GALNTL6: variants seen among roughly 807,000 people sequenced by gnomAD.
The protein encoded by GALNTL6 is polypeptide N-acetylgalactosaminyltransferase-like 6.
GALNTL6 carries 46 observed loss-of-function variants against 73.7 expected under a neutral mutation model. The observed-to-expected ratio is 0.62, with a 90% CI of 0.49 to 0.80. GALNTL6 has a LOEUF of 0.80. GALNTL6 is among the 30% of genes least tolerant of loss of function. GALNTL6 has a pLI of 0.00. For missense variants in GALNTL6, 604 were observed against 755.0 expected (o/e 0.80, Z 2.34); for synonymous variants, 259 against 263.7 (o/e 0.98, Z 0.17).
intron 5 of GALNTL6, among the ~76,000 whole-genome samples, chr4:172,555,319 A>G (rs1408429734): frequency 6.6e-6 from 1 of 152,158 alleles, no homozygotes; most frequent in Admixed American, 6.5e-5. Flanking sequence ...GAATATTGCT[A>G]TTTGAGAACA....
At chr4:172,254,036 A>G (rs1200064453) in intron 3 of GALNTL6, among the ~76,000 whole-genome samples, 2 of 151,822 alleles carry the variant, frequency 1.3e-5, no homozygotes, top group African/African-American at 4.8e-5. Flanking sequence ...TCACCCAAAG[A>G]AGGTCAGCAA....
rs1605091 is a variant in GALNTL6, at chr4:171,948,964, C to T, written c.138+134246C>T. 2.3e-3 allele frequency among the ~76,000 whole-genome samples: 283 copies of T among 123,428 alleles called. 2 individuals are homozygous for T. The highest frequency in any genetic ancestry group is 0.013 in the Admixed American group (180 of 13,988). 81.0% of individuals were successfully genotyped at this position (123,428 alleles called of 152,430 possible). A position where few individuals can be genotyped will look rare whatever the true frequency, so the allele number is the denominator to read the frequency against. ...CAGACTCGCAAGCCATATATATATA[C>T]ACACACACACACACACACACACAGA... On this transcript the variant is annotated intron_variant, in intron 2 of 12. Transcript: ENST00000506823.
chr4:172,235,037 C>T (rs1412071306), intron 3 of GALNTL6, among the ~76,000 whole-genome samples: 2 of 152,000 alleles, frequency 1.3e-5, no homozygotes, highest in African/African-American at 4.8e-5. Flanking sequence ...GTAATTTGTC[C>T]ATTATATCTA....
At chr4:172,418,855 T>C (rs1730943885) in intron 5 of GALNTL6, among the ~76,000 whole-genome samples, 1 of 152,164 alleles carries the variant, frequency 6.6e-6, no homozygotes, top group African/African-American at 2.4e-5. Flanking sequence ...GTCATCAACA[T>C]TTTTATTTAA....
chr4:171,865,341 C>G (rs1735942764), intron 2 of GALNTL6, among the ~76,000 whole-genome samples: 1 of 151,984 alleles, frequency 6.6e-6, no homozygotes, highest in African/African-American at 2.4e-5. Context: ...GATGAGAAAG[C>G]AACACAGAAA....
chr4:172,690,619 TC>T (rs1208420630), intron 5 of GALNTL6, among the ~76,000 whole-genome samples: 2 of 152,210 alleles, frequency 1.3e-5, no homozygotes, highest in African/African-American at 2.4e-5. Context: ...TCAGAAGAGG[TC>T]ACCTGAGCAC....
intron 5 of GALNTL6, among the ~76,000 whole-genome samples, chr4:172,733,454 C>T (rs1209424794): frequency 1.3e-5 from 2 of 151,938 alleles, no homozygotes; most frequent in Admixed American, 1.3e-4. Flanking sequence ...ATTGTAGCTC[C>T]CATAATCCCT....
At chr4:171,970,106 T>G (rs1273207800) in intron 2 of GALNTL6, among the ~76,000 whole-genome samples, 1 of 152,188 alleles carries the variant, frequency 6.6e-6, no homozygotes, top group Non-Finnish European at 1.5e-5. Flanking sequence ...AAATTATGGA[T>G]TCAACTTGAC....
chr4:172,658,930 G>C (rs1731227165), intron 5 of GALNTL6, among the ~76,000 whole-genome samples: 1 of 152,074 alleles, frequency 6.6e-6, no homozygotes, highest in Non-Finnish European at 1.5e-5. Flanking sequence ...AAAAAATCAT[G>C]CTTAAAACTT....
At chr4:172,714,410 G>A (rs1031791037) in intron 5 of GALNTL6, among the ~76,000 whole-genome samples, 9 of 151,926 alleles carry the variant, frequency 5.9e-5, no homozygotes, top group African/African-American at 2.2e-4. Context: ...CACTGATCCT[G>A]CCTCATTTAC....
chr4:172,027,024 G>T (rs147521687), intron 2 of GALNTL6, among the ~76,000 whole-genome samples: 23 of 152,020 alleles, frequency 1.5e-4, no homozygotes, highest in African/African-American at 5.5e-4. Context: ...CGAGTATGTG[G>T]GACTACAGGT....
chr4:172,684,881 T>G (rs1732828350), intron 5 of GALNTL6, among the ~76,000 whole-genome samples: 3 of 152,328 alleles, frequency 2.0e-5, no homozygotes, highest in South Asian at 4.1e-4. Flanking sequence ...ACCCTACCCA[T>G]TTTTTCAATT....
At chr4:172,426,709 G>A (rs1731244011) in intron 5 of GALNTL6, among the ~76,000 whole-genome samples, 1 of 152,106 alleles carries the variant, frequency 6.6e-6, no homozygotes, top group African/African-American at 2.4e-5. Flanking sequence ...TATAGCTAAT[G>A]TAGAATCTGA....
intron 2 of GALNTL6, among the ~76,000 whole-genome samples, chr4:172,014,365 A>G (rs72698929): frequency 0.18 from 27,214 of 151,924 alleles, 2,607 homozygotes; most frequent in East Asian, 0.26. Context: ...CCTTTTCTCT[A>G]CATTCTCACC....
intron 5 of GALNTL6, among the ~76,000 whole-genome samples, chr4:172,739,762 C>A (rs1422906034): frequency 6.6e-6 from 1 of 151,810 alleles, no homozygotes; most frequent in African/African-American, 2.4e-5. Context: ...TAAGAATTTT[C>A]TTTAGATTTG....
intron 2 of GALNTL6, among the ~76,000 whole-genome samples, chr4:172,188,401 A>G (rs1334158826): frequency 6.6e-6 from 1 of 152,148 alleles, no homozygotes; most frequent in Non-Finnish European, 1.5e-5. Flanking sequence ...TTGAGCATTT[A>G]TTTGTTCAGT....
At chr4:172,945,315 G>A (rs1749112919) in intron 9 of GALNTL6, among the ~76,000 whole-genome samples, 1 of 152,142 alleles carries the variant, frequency 6.6e-6, no homozygotes, top group Admixed American at 6.6e-5. Context: ...GAGGCATAAA[G>A]AAACCTTTGC....
Position 172,377,101 on chromosome 4 carries a change from G to A in GALNTL6, c.553+28412G>A, listed in dbSNP as rs549170979. ...GCCACTGCTGGCTCGGGCAGCCTGCGTTTATTCCCTTATCTGGCCCCAAAC... is the reference window on the plus strand; with the variant it reads ...GCCACTGCTGGCTCGGGCAGCCTGCATTTATTCCCTTATCTGGCCCCAAAC... On this transcript the variant is annotated intron_variant, in intron 5 of 12. Transcript: ENST00000506823. Among the ~76,000 whole-genome samples, 45 of 152,242 alleles carry A rather than the reference G, an allele frequency of 3.0e-4. No homozygotes were observed. In the South Asian group the frequency reaches 8.3e-3, roughly 28 times the overall value.
At chr4:171,893,101 T>G (rs1398841991) in intron 2 of GALNTL6, among the ~76,000 whole-genome samples, 2 of 152,172 alleles carry the variant, frequency 1.3e-5, no homozygotes, top group African/African-American at 4.8e-5. Context: ...TAATGTGCGG[T>G]TTATTGATGT....
Sources: gnomAD v4.1 joint callset for allele counts (sites outside exome capture counted in the v4.1 genomes callset) on GRCh38, gnomAD v4.1.1 for gene constraint, MANE v1.5 for transcripts, NCBI Gene and HGNC (gene_info 2026-07-23, HGNC 2026-07-21) for gene names.